Variants in ADAMTS20 observed in about 807,000 individuals in gnomAD.
ADAMTS20 encodes the protein A disintegrin and metalloproteinase with thrombospondin motifs 20.
In ADAMTS20, 225 loss-of-function variants were observed where a neutral mutation model predicts 260.1. The ratio of observed to expected loss-of-function variants is 0.87; its 90% confidence interval spans 0.78 to 0.97. ADAMTS20 has a LOEUF of 0.97. Among genes scored for constraint, ADAMTS20 ranks in the 50% least tolerant of loss-of-function variants. The probability of loss-of-function intolerance (pLI) is 0.00; values close to 1 mark genes in which losing one functional copy is unlikely to be tolerated. For synonymous variants in ADAMTS20, 802 were observed against 769.5 expected, an observed-to-expected ratio of 1.04 and a Z score of -0.70; for missense variants, 2,400 against 2,337.7, an observed-to-expected ratio of 1.03 and a Z score of -0.55.
chr12:43,403,000 T>C (rs1039813396), intron 28 of ADAMTS20, among the ~76,000 whole-genome samples: 1 of 152,068 alleles, frequency 6.6e-6, no homozygotes, highest in African/African-American at 2.4e-5. Flanking sequence ...TGCAGACAAA[T>C]GTCTAAGATA....
chr12:43,480,329 AGAAG>A (rs1942422584), intron 7 of ADAMTS20, among the ~76,000 whole-genome samples: 1 of 152,132 alleles, frequency 6.6e-6, no homozygotes, highest in Non-Finnish European at 1.5e-5. Context: ...TGGGGGGTAA[AGAAG>A]GAAGAGTCTT....
intron 7 of ADAMTS20, among the ~76,000 whole-genome samples, chr12:43,471,155 G>A (rs566867161): frequency 5.9e-5 from 9 of 152,266 alleles, no homozygotes; most frequent in East Asian, 5.8e-4. Context: ...GAAGCAGGGC[G>A]AGGCATTGCC....
At position 43,424,465 on chromosome 12, in the gene ADAMTS20, A is replaced by G. The variant is rs539112566; in HGVS notation, c.4284+1049T>C. 4.1e-4 allele frequency among the ~76,000 whole-genome samples: 63 copies of G among 152,298 alleles called. 2 individuals carry two copies. In the South Asian group the frequency reaches 0.013, roughly 31 times the overall value. On this transcript the variant is annotated intron_variant, in intron 28 of 38. Transcript: ENST00000389420. The stretch of plus-strand genomic sequence containing the variant: ...TACATAAATTAAACTTTTGCATGAC[A>G]TATGTAAAAAACTGTAAACAAGTTC...
chr12:43,480,874 G>A (rs1020208798), intron 7 of ADAMTS20, among the ~76,000 whole-genome samples: 3 of 152,026 alleles, frequency 2.0e-5, no homozygotes, highest in African/African-American at 7.2e-5. Context: ...CAGTTAGACA[G>A]GAGAAATACG....
At chr12:43,529,901 G>T (rs1176447130) in intron 3 of ADAMTS20, among the ~76,000 whole-genome samples, 1 of 152,088 alleles carries the variant, frequency 6.6e-6, no homozygotes, top group African/African-American at 2.4e-5. Flanking sequence ...AATTGCATTT[G>T]CAATGCTCCA....
chr12:43,395,470 T>C (rs1182960876), intron 29 of ADAMTS20, among the ~76,000 whole-genome samples: 1 of 152,022 alleles, frequency 6.6e-6, no homozygotes, highest in Non-Finnish European at 1.5e-5. Context: ...TAGCATACAG[T>C]TTCTTTCTTT....
At position 43,375,496 on chromosome 12, in the gene ADAMTS20, G is replaced by C. The variant is rs778067154; in HGVS notation, c.5329C>G (p.Gln1777Glu). 2.5e-6 allele frequency: 4 copies of C among 1,613,188 alleles called. No individual in the cohort carries two copies. The highest frequency in any genetic ancestry group is 3.4e-6 in the Non-Finnish European group (4 of 1,179,522). Reference sequence around the variant, plus strand: ...CTTCTACTCCCATTAAAAGGACATTGATATGGATTTTTTAGTCTGTAACAA... The same window carrying C: ...CTTCTACTCCCATTAAAAGGACATTCATATGGATTTTTTAGTCTGTAACAA... ...VYGFRLKNPY[Q>E]CPFNGSRRED... The change falls in exon 36 of 39, where the codon CAA becomes GAA. Residue 1777 changes from glutamine to glutamate, a missense_variant. Gln to Glu is a conservative substitution (Grantham distance 29). Coordinates refer to ENST00000389420, the MANE Select transcript of ADAMTS20 (RefSeq NM_025003.5).
chr12:43,414,948 A>G (rs1941101503), intron 28 of ADAMTS20, among the ~76,000 whole-genome samples: 1 of 152,186 alleles, frequency 6.6e-6, no homozygotes, highest in African/African-American at 2.4e-5. Context: ...TGAAGGATAA[A>G]TATTAATACA....
At chr12:43,361,245 G>A (rs10880471) in intron 37 of ADAMTS20, among the ~76,000 whole-genome samples, 37,800 of 152,158 alleles carry the variant, frequency 0.25, 5,299 homozygotes, top group African/African-American at 0.38. Flanking sequence ...TTTCTGTGAC[G>A]TCAAGCATCT....
chr12:43,523,943 A>G (rs1943106742), intron 3 of ADAMTS20, among the ~76,000 whole-genome samples: 1 of 150,800 alleles, frequency 6.6e-6, no homozygotes, highest in African/African-American at 2.4e-5. Flanking sequence ...TACATCACCC[A>G]AGAAACCAGA....
At chr12:43,542,458 A>T (rs1315241847) in intron 2 of ADAMTS20, among the ~76,000 whole-genome samples, 2 of 152,084 alleles carry the variant, frequency 1.3e-5, no homozygotes, top group Admixed American at 6.6e-5. Context: ...TATTTTTAAA[A>T]TTTTTTACAA....
At chr12:43,428,604 C>T in intron 25 of ADAMTS20, 31 bp downstream of exon 25, 1 of 1,478,324 alleles carries the variant, frequency 6.8e-7, no homozygotes, top group East Asian at 2.5e-5. Context: ...TTAAATTTTT[C>T]ATTTTCTTTT....
intron 4 of ADAMTS20, among the ~76,000 whole-genome samples, chr12:43,501,191 T>TG (rs1489744536): frequency 1.3e-5 from 2 of 151,138 alleles, no homozygotes; most frequent in Non-Finnish European, 2.9e-5. Flanking sequence ...CCCGAGTAGC[T>TG]GGGATTATAG....
At chr12:43,456,478 C>T (rs927379608) in intron 11 of ADAMTS20, among the ~76,000 whole-genome samples, 2 of 152,160 alleles carry the variant, frequency 1.3e-5, no homozygotes, top group South Asian at 2.1e-4. Flanking sequence ...CTCATAACCC[C>T]GCCCCATGAG....
intron 31 of ADAMTS20, among the ~76,000 whole-genome samples, chr12:43,381,780 CAAAAAAAA>C (rs765135656): frequency 2.9e-5 from 1 of 34,518 alleles, no homozygotes; most frequent in African/African-American, 1.2e-4. Context: ...GACTGCATCT[CAAAAAAAA>C]AAAAAAAAAA....
At chr12:43,406,548 G>A (rs1940923318) in intron 28 of ADAMTS20, among the ~76,000 whole-genome samples, 1 of 152,022 alleles carries the variant, frequency 6.6e-6, no homozygotes, top group African/African-American at 2.4e-5. Context: ...TAGATATTCT[G>A]AGAAACAAAA....
intron 11 of ADAMTS20, among the ~76,000 whole-genome samples, chr12:43,458,844 C>A (rs987138548): frequency 6.6e-6 from 1 of 152,178 alleles, no homozygotes; most frequent in Non-Finnish European, 1.5e-5. Context: ...ATCCCTAAGC[C>A]TAGCTGGGAA....
At chr12:43,382,623 T>G (rs1235018545) in intron 31 of ADAMTS20, among the ~76,000 whole-genome samples, 1 of 152,068 alleles carries the variant, frequency 6.6e-6, no homozygotes, top group Non-Finnish European at 1.5e-5. Context: ...TGTGCATAGA[T>G]GTTAGAATTA....
intron 3 of ADAMTS20, among the ~76,000 whole-genome samples, chr12:43,522,228 C>T (rs1943082163): frequency 6.6e-6 from 1 of 152,076 alleles, no homozygotes; most frequent in African/African-American, 2.4e-5. Flanking sequence ...GAAGTGCAAA[C>T]AGGAAATGCC....
Sources: gnomAD v4.1 joint callset for allele counts (sites outside exome capture counted in the v4.1 genomes callset) on GRCh38, gnomAD v4.1.1 for gene constraint, MANE v1.5 for transcripts, NCBI Gene and HGNC (gene_info 2026-07-23, HGNC 2026-07-21) for gene names.